Variants in AEBP2 observed in about 807,000 individuals in gnomAD.
AEBP2 encodes zinc finger protein AEBP2.
Under a neutral mutation model 50.8 loss-of-function variants are expected in AEBP2, and 10 were observed. The ratio of observed to expected loss-of-function variants is 0.20; its 90% confidence interval spans 0.12 to 0.33. The LOEUF (loss-of-function observed/expected upper bound fraction) is 0.33. AEBP2 is among the 10% of genes least tolerant of loss of function. The pLI is 1.00. For missense variants in AEBP2, 570 were observed against 688.0 expected (o/e 0.83, Z 1.92); for synonymous variants, 296 against 261.3 (o/e 1.13, Z -1.28).
At chr12:19,444,198 C>G (rs1231963157) in intron 1 of AEBP2, among the ~76,000 whole-genome samples, 1 of 152,048 alleles carries the variant, frequency 6.6e-6, no homozygotes, top group Non-Finnish European at 1.5e-5. Context: ...TTTCATTCTT[C>G]CAACACAGTA....
intron 1 of AEBP2, among the ~76,000 whole-genome samples, chr12:19,424,396 C>CT (rs529252995): frequency 1.4e-4 from 21 of 151,704 alleles, no homozygotes; most frequent in Non-Finnish European, 2.2e-4. Context: ...GCTAAGATGT[C>CT]TTTTTTTCTT....
At chr12:19,462,954 T>C (rs1298536049) in intron 2 of AEBP2, among the ~76,000 whole-genome samples, 1 of 152,212 alleles carries the variant, frequency 6.6e-6, no homozygotes, top group Non-Finnish European at 1.5e-5. Flanking sequence ...ATTAGACTTT[T>C]AAAAGTATAG....
At position 19,520,298 on chromosome 12, in the gene AEBP2, A is replaced by G. The variant is rs1458000077; in HGVS notation, c.*2181A>G. The G allele has an allele frequency of 2.0e-5, 3 of 152,324 alleles. No individual in the cohort carries two copies. Among genetic ancestry groups the G allele is most frequent in the South Asian group, 2.1e-4 (1 of 4,830 alleles). 9.4% of individuals were successfully genotyped at this position (152,324 alleles called of 1,614,324 possible). A position where few individuals can be genotyped will look rare whatever the true frequency, so the allele number is the denominator to read the frequency against. On this transcript the variant is annotated 3_prime_UTR_variant, in exon 8 of 8. Coordinates refer to ENST00000266508, the MANE Select transcript of AEBP2 (RefSeq NM_153207.5). ...AAAAGATACATCTGATATTTTCTAT[A>G]TAGAGCACAGTAAATAAGTTTTTTC...
intron 1 of AEBP2, chr12:19,404,292 T>C (rs972954518): frequency 2.6e-5 from 4 of 152,270 alleles, no homozygotes; most frequent in African/African-American, 9.6e-5. Flanking sequence ...AGAGCCACTC[T>C]TTCTCACACA....
chr12:19,456,707 G>C lies in AEBP2; in HGVS notation c.672-5803G>C. The C allele has an allele frequency of 2.5e-6, 4 of 1,583,762 alleles. 1 individual carries two copies. In the South Asian group the frequency reaches 4.4e-5, roughly 18 times the overall value. On this transcript the variant is annotated intron_variant, in intron 1 of 7. Coordinates refer to ENST00000266508, the MANE Select transcript of AEBP2 (RefSeq NM_153207.5). ...TGACAGACACATTCTTGACATTGAA[G>C]CCCACATTGTCCCCAGAAAGAGTTT...
intron 1 of AEBP2, among the ~76,000 whole-genome samples, chr12:19,415,205 T>C (rs996101157): frequency 2.0e-5 from 3 of 148,186 alleles, no homozygotes; most frequent in Non-Finnish European, 3.0e-5. Flanking sequence ...TCCTAGCTAC[T>C]TGGGGGGCTG....
At chr12:19,463,164 T>G (rs981548582) in intron 2 of AEBP2, among the ~76,000 whole-genome samples, 2 of 152,210 alleles carry the variant, frequency 1.3e-5, no homozygotes, top group Non-Finnish European at 2.9e-5. Context: ...GAACTCATTA[T>G]TTGTGAGTGA....
At chr12:19,444,324 T>C (rs1157602842) in intron 1 of AEBP2, among the ~76,000 whole-genome samples, 1 of 152,176 alleles carries the variant, frequency 6.6e-6, no homozygotes, top group African/African-American at 2.4e-5. Flanking sequence ...GCCGAGAAAA[T>C]AGAAGACAGT....
intron 1 of AEBP2, chr12:19,456,492 C>A: frequency 1.3e-6 from 2 of 1,496,666 alleles, no homozygotes; most frequent in South Asian, 2.3e-5. Context: ...ACCAACATGG[C>A]GATCCATCTT....
intron 1 of AEBP2, chr12:19,457,503 A>G (rs1180726017): frequency 2.0e-6 from 3 of 1,494,576 alleles, no homozygotes; most frequent in Non-Finnish European, 2.7e-6. Flanking sequence ...GCCCTTTCCC[A>G]TCTCAGCAGC....
chr12:19,455,749 A>T (rs1277991334), intron 1 of AEBP2, among the ~76,000 whole-genome samples: 3 of 152,202 alleles, frequency 2.0e-5, no homozygotes, highest in Non-Finnish European at 2.9e-5. Flanking sequence ...AAACTAAGGG[A>T]AAAGAGGAAA....
chr12:19,492,168 A>C (rs899587528), intron 3 of AEBP2, among the ~76,000 whole-genome samples: 3 of 152,244 alleles, frequency 2.0e-5, no homozygotes, highest in Non-Finnish European at 4.4e-5. Flanking sequence ...GTCAAAAACT[A>C]AGTAAATTGG....
At chr12:19,480,751 A>T (rs1299313090) in intron 3 of AEBP2, among the ~76,000 whole-genome samples, 1 of 152,184 alleles carries the variant, frequency 6.6e-6, no homozygotes, top group African/African-American at 2.4e-5. Flanking sequence ...AGATAACCTG[A>T]TGACTGTGTG....
chr12:19,408,392 A>C (rs1171345178), intron 1 of AEBP2, among the ~76,000 whole-genome samples: 3 of 151,864 alleles, frequency 2.0e-5, no homozygotes, highest in Non-Finnish European at 4.4e-5. Context: ...CTCTGTCTCT[A>C]CTATAAATAC....
At chr12:19,440,757 A>C in intron 1 of AEBP2, 1 of 1,533,536 alleles carries the variant, frequency 6.5e-7, no homozygotes, top group Non-Finnish European at 8.7e-7. Flanking sequence ...GTTCGGGAAC[A>C]CTTGTCAGAA....
At chr12:19,409,493 C>T (rs958433513) in intron 1 of AEBP2, among the ~76,000 whole-genome samples, 1 of 152,094 alleles carries the variant, frequency 6.6e-6, no homozygotes, top group East Asian at 1.9e-4. Flanking sequence ...CCACATTCCA[C>T]AGGATAAGGA....
intron 3 of AEBP2, among the ~76,000 whole-genome samples, chr12:19,492,595 A>T (rs191826696): frequency 6.6e-6 from 1 of 151,942 alleles, no homozygotes; most frequent in African/African-American, 2.4e-5. Flanking sequence ...ACAAAATAAA[A>T]TAAAAAAAAT....
At chr12:19,463,611 T>G (rs1327295233) in intron 2 of AEBP2, among the ~76,000 whole-genome samples, 11 of 151,306 alleles carry the variant, frequency 7.3e-5, no homozygotes, top group African/African-American at 2.4e-4. Flanking sequence ...CTTTTTTTTT[T>G]AAACATCCAA....
At chr12:19,510,636 C>G (rs1474213449) in intron 5 of AEBP2, among the ~76,000 whole-genome samples, 1 of 152,104 alleles carries the variant, frequency 6.6e-6, no homozygotes, top group Non-Finnish European at 1.5e-5. Context: ...GAGCCAAAGT[C>G]ATACTTTGGA....
Sources: allele counts gnomAD v4.1 joint callset (sites outside exome capture counted in the v4.1 genomes callset), GRCh38; gene constraint gnomAD v4.1.1; transcripts MANE v1.5; gene names NCBI Gene and HGNC (gene_info 2026-07-23, HGNC 2026-07-21).